Variants in KCNIP3 observed in about 807,000 individuals in gnomAD.
The protein encoded by KCNIP3 is calsenilin.
A neutral mutation model predicts 35.0 loss-of-function variants in KCNIP3; 28 were observed. The ratio of observed to expected loss-of-function variants is 0.80; its 90% CI spans 0.59 to 1.10. The LOEUF is 1.10. KCNIP3 is among the 50% of genes least tolerant of loss of function. The pLI is 0.00. For synonymous variants in KCNIP3, 134 were observed against 133.8 expected (o/e 1.00, Z -0.01); for missense variants, 295 against 338.4 (o/e 0.87, Z 1.01).
At chr2:95,346,364 A>G (rs1355357852) in intron 2 of KCNIP3, among the ~76,000 whole-genome samples, 1 of 150,676 alleles carries the variant, frequency 6.6e-6, no homozygotes, top group Non-Finnish European at 1.5e-5. Flanking sequence ...CGTGGGAGAA[A>G]CCGCCGACCG....
At position 95,330,900 on chromosome 2, in the gene KCNIP3, C is replaced by T. The variant is rs186308975; in HGVS notation, c.181+20380C>T. ...CTATAAAATGAGATTGATGAGTAAA[C>T]GATATATTGCAAGGGAATAGGGCTG... On this transcript the variant is annotated intron_variant, in intron 2 of 8. Coordinates refer to ENST00000295225, the MANE Select transcript of KCNIP3 (RefSeq NM_013434.5). Among the ~76,000 whole-genome samples, 87 of 152,238 alleles carry T rather than the reference C, an allele frequency of 5.7e-4. 1 individual carries two copies. The highest frequency in any genetic ancestry group is 1.9e-3 in the African/African-American group (78 of 41,524).
At chr2:95,299,141 C>T (rs372819137) in intron 1 of KCNIP3, 3 of 152,454 alleles carry the variant, frequency 2.0e-5, no homozygotes, top group East Asian at 3.9e-4. Context: ...TGTGACCCCA[C>T]ACTGCGCTCT....
intron 2 of KCNIP3, among the ~76,000 whole-genome samples, chr2:95,346,178 C>A (rs1481980841): frequency 3.3e-5 from 5 of 152,150 alleles, no homozygotes; most frequent in Non-Finnish European, 7.4e-5. Context: ...GGCGGAGGAC[C>A]GGGGTTGCGG....
chr2:95,374,488 C>T (rs898509976), intron 3 of KCNIP3, 68 bp downstream of exon 3: 41 of 1,567,146 alleles, frequency 2.6e-5, no homozygotes, highest in Non-Finnish European at 3.5e-5. Flanking sequence ...GGAAACTTCT[C>T]CATGCCACAG....
intron 1 of KCNIP3, among the ~76,000 whole-genome samples, chr2:95,297,718 T>A (rs964633470): frequency 1.3e-5 from 2 of 151,924 alleles, no homozygotes; most frequent in Admixed American, 1.3e-4. Flanking sequence ...TAGGGCTCCC[T>A]TTGGATGGGA....
intron 2 of KCNIP3, among the ~76,000 whole-genome samples, chr2:95,361,388 A>T (rs1248513618): frequency 6.6e-6 from 1 of 151,752 alleles, no homozygotes; most frequent in African/African-American, 2.4e-5. Flanking sequence ...CATTCTCTTC[A>T]CGTCACTGTG....
At chr2:95,332,946 G>C (rs540491760) in intron 2 of KCNIP3, among the ~76,000 whole-genome samples, 2 of 152,268 alleles carry the variant, frequency 1.3e-5, no homozygotes, top group Admixed American at 1.3e-4. Flanking sequence ...AGGGACAAAG[G>C]GACAAGACAA....
At chr2:95,375,402 C>A (rs1410056564) in intron 5 of KCNIP3, among the ~76,000 whole-genome samples, 194 bp downstream of exon 5, 1 of 151,928 alleles carries the variant, frequency 6.6e-6, no homozygotes, top group Non-Finnish European at 1.5e-5. Context: ...CTTTGCTGGG[C>A]CGGCACCACG....
intron 2 of KCNIP3, among the ~76,000 whole-genome samples, chr2:95,351,638 A>G (rs914055400): frequency 1.3e-5 from 2 of 152,216 alleles, no homozygotes; most frequent in African/African-American, 4.8e-5. Flanking sequence ...ATTCCCACAG[A>G]TGTCATGCCT....
chr2:95,311,476 G>A (rs1286208863), intron 2 of KCNIP3: 1 of 152,212 alleles, frequency 6.6e-6, no homozygotes, highest in Admixed American at 6.5e-5. Context: ...TTTCCAGGGA[G>A]CGTTTGTCCC....
At chr2:95,313,813 C>A (rs1678381010) in intron 2 of KCNIP3, 1 of 152,138 alleles carries the variant, frequency 6.6e-6, no homozygotes. Context: ...GAAGCCAGGG[C>A]CCCACCTAGC....
chr2:95,308,252 C>T (rs1342755099), intron 1 of KCNIP3, among the ~76,000 whole-genome samples: 1 of 152,232 alleles, frequency 6.6e-6, no homozygotes, highest in Non-Finnish European at 1.5e-5. Flanking sequence ...CTTCTTGCTG[C>T]AGCTCTGGGC....
intron 1 of KCNIP3, among the ~76,000 whole-genome samples, chr2:95,302,200 G>A (rs1379378722): frequency 6.6e-6 from 1 of 152,184 alleles, no homozygotes; most frequent in Non-Finnish European, 1.5e-5. Context: ...GGGGGGTGGG[G>A]AGCCCCACAT....
intron 1 of KCNIP3, among the ~76,000 whole-genome samples, chr2:95,307,206 A>C (rs1320282171): frequency 6.6e-6 from 1 of 151,638 alleles, no homozygotes; most frequent in African/African-American, 2.4e-5. Context: ...CTCCACCCAG[A>C]CTCTCTCCAC....
chr2:95,351,184 T>G (rs535486185), intron 2 of KCNIP3, among the ~76,000 whole-genome samples: 21 of 152,380 alleles, frequency 1.4e-4, no homozygotes, highest in Admixed American at 1.2e-3. Flanking sequence ...ACTACTGCCC[T>G]GGCCAGGGGT....
intron 2 of KCNIP3, among the ~76,000 whole-genome samples, chr2:95,348,080 C>T (rs3772033): frequency 0.77 from 116,561 of 152,252 alleles, 45,017 homozygotes; most frequent in African/African-American, 0.85. Flanking sequence ...CAGGGCTGGC[C>T]CTTTTCCCAA....
chr2:95,368,620 A>G, intron 2 of KCNIP3: 1 of 358,324 alleles, frequency 2.8e-6, no homozygotes, highest in Non-Finnish European at 5.6e-6. Flanking sequence ...TCTGTGTGTG[A>G]ACACTTTTGT....
At chr2:95,379,693 G>A (rs1680289748) in intron 5 of KCNIP3, among the ~76,000 whole-genome samples, 1 of 152,202 alleles carries the variant, frequency 6.6e-6, no homozygotes, top group South Asian at 2.1e-4. Context: ...ACCCCCAGGG[G>A]GAGCTGTTCT....
chr2:95,367,097 A>C (rs1679935113), intron 2 of KCNIP3, among the ~76,000 whole-genome samples: 1 of 152,002 alleles, frequency 6.6e-6, no homozygotes. Context: ...ACATGGTGAA[A>C]TCCTGTCTCT....
Sources: gnomAD v4.1 joint callset for allele counts (sites outside exome capture counted in the v4.1 genomes callset) on GRCh38, gnomAD v4.1.1 for gene constraint, MANE v1.5 for transcripts, NCBI Gene and HGNC (gene_info 2026-07-23, HGNC 2026-07-21) for gene names.